Variants in SPIDR observed in about 807,000 individuals in gnomAD.
The protein encoded by SPIDR is scaffold protein involved in DNA repair, also known as DNA repair-scaffolding protein.
SPIDR carries 93 observed loss-of-function variants against 104.6 expected under a neutral mutation model. That is an observed-to-expected ratio of 0.89 (90% CI 0.75 to 1.06). The LOEUF is 1.06. Ranked by LOEUF, SPIDR falls within the 50% of genes least tolerant of loss-of-function variation. The pLI, the probability that SPIDR is intolerant of heterozygous loss-of-function variation, is 0.00. For synonymous variants in SPIDR, 431 were observed against 416.9 expected (o/e 1.03, Z -0.41); for missense variants, 1,154 against 1,111.2 (o/e 1.04, Z -0.55).
At chr8:47,671,223 AG>A (rs1746656859) in intron 10 of SPIDR, among the ~76,000 whole-genome samples, 1 of 152,100 alleles carries the variant, frequency 6.6e-6, no homozygotes, top group African/African-American at 2.4e-5. Context: ...AAATCATTTT[AG>A]TAATTAGTAA....
intron 8 of SPIDR, among the ~76,000 whole-genome samples, chr8:47,562,152 G>A (rs1390813567): frequency 2.0e-5 from 3 of 152,204 alleles, no homozygotes; most frequent in Non-Finnish European, 2.9e-5. Flanking sequence ...AGCCCTAGGC[G>A]TGATTTTCTT....
intron 8 of SPIDR, among the ~76,000 whole-genome samples, chr8:47,496,845 T>C (rs2079540842): frequency 6.6e-6 from 1 of 151,638 alleles, no homozygotes; most frequent in Non-Finnish European, 1.5e-5. Flanking sequence ...TGTTTGTTTG[T>C]CAGAAGTTTT....
chr8:47,368,232 A>G (rs2057478520), intron 5 of SPIDR, among the ~76,000 whole-genome samples: 2 of 151,772 alleles, frequency 1.3e-5, no homozygotes, highest in Non-Finnish European at 1.5e-5. Context: ...CCACCTTCTC[A>G]TACCACCACA....
intron 8 of SPIDR, among the ~76,000 whole-genome samples, chr8:47,516,608 C>G (rs754060132): frequency 6.6e-6 from 1 of 152,124 alleles, no homozygotes; most frequent in Non-Finnish European, 1.5e-5. Flanking sequence ...AATTTCCTTC[C>G]TTTTTTAAGG....
At position 47,546,987 on chromosome 8, in the gene SPIDR, G is replaced by A. The variant is rs554347461; in HGVS notation, c.1098-48824G>A. The stretch of plus-strand genomic sequence containing the variant: ...CACGTGAACCACATCAAAAGATCAA[G>A]GGTGCCTCTCTCTGTGGGTAATGAC... On this transcript the variant is annotated intron_variant, in intron 8 of 19. Coordinates refer to ENST00000297423, the MANE Select transcript of SPIDR (RefSeq NM_001080394.4). The A allele has an allele frequency of 5.1e-5, 26 of 511,174 alleles. No homozygotes were observed. In the Admixed American group the frequency reaches 5.2e-4, roughly 10 times the overall value. The allele number at this position is 511,174 out of a possible 1,614,324, so 31.7% of individuals were successfully genotyped here. A position where few individuals can be genotyped will look rare whatever the true frequency, so the allele number is the denominator to read the frequency against.
chr8:47,420,543 A>G (rs1346233873), intron 7 of SPIDR, among the ~76,000 whole-genome samples: 2 of 152,150 alleles, frequency 1.3e-5, no homozygotes, highest in Admixed American at 6.6e-5. Context: ...AATGCAGCAC[A>G]CTGATGGGTC....
intron 11 of SPIDR, among the ~76,000 whole-genome samples, chr8:47,677,539 G>T (rs926144112): frequency 6.6e-6 from 1 of 152,206 alleles, no homozygotes; most frequent in Non-Finnish European, 1.5e-5. Flanking sequence ...GCCTCTTGAA[G>T]GGCCGTTTTA....
intron 10 of SPIDR, among the ~76,000 whole-genome samples, chr8:47,611,524 C>G (rs1032845674): frequency 1.3e-5 from 2 of 151,992 alleles, no homozygotes; most frequent in African/African-American, 2.4e-5. Flanking sequence ...CAGTGAAACC[C>G]CGTCTCTACT....
chr8:47,621,402 TG>T (rs2065153844), intron 10 of SPIDR, among the ~76,000 whole-genome samples: 1 of 152,256 alleles, frequency 6.6e-6, no homozygotes, highest in Non-Finnish European at 1.5e-5. Context: ...GGGCATGTCA[TG>T]TAGTCTCACC....
intron 8 of SPIDR, among the ~76,000 whole-genome samples, chr8:47,588,086 T>TAC (rs371315393): frequency 3.0e-5 from 3 of 99,852 alleles, no homozygotes; most frequent in Admixed American, 2.1e-4. Context: ...TATATATATA[T>TAC]ACACGTATGT....
At chr8:47,673,748 CTG>C (rs771204630) in intron 10 of SPIDR, 51 bp from the exon 11 acceptor site, 1 of 1,611,712 alleles carries the variant, frequency 6.2e-7, no homozygotes, top group Non-Finnish European at 8.5e-7. Flanking sequence ...ATCTTGATCT[CTG>C]TATTAATCCA....
intron 6 of SPIDR, 23 bp from the exon 7 acceptor site, chr8:47,407,838 A>T (rs1186815375): frequency 6.9e-7 from 1 of 1,456,478 alleles, no homozygotes; most frequent in Non-Finnish European, 9.6e-7. Flanking sequence ...ACTAAACTTA[A>T]TACATTATAA....
chr8:47,679,102 G>T (rs2154474619), intron 11 of SPIDR, among the ~76,000 whole-genome samples: 2 of 152,294 alleles, frequency 1.3e-5, no homozygotes, highest in Middle Eastern at 6.8e-3. Context: ...ACCACCACCA[G>T]GGTGCCCTCT....
At chr8:47,646,972 A>G (rs2070486996) in intron 10 of SPIDR, among the ~76,000 whole-genome samples, 1 of 152,180 alleles carries the variant, frequency 6.6e-6, no homozygotes, top group South Asian at 2.1e-4. Context: ...TAATTCATGA[A>G]AACTAAACAA....
chr8:47,520,271 G>A (rs938301771), intron 8 of SPIDR, among the ~76,000 whole-genome samples: 2 of 152,144 alleles, frequency 1.3e-5, no homozygotes, highest in African/African-American at 4.8e-5. Flanking sequence ...TGATCCCCCA[G>A]CTTGTTAATG....
intron 5 of SPIDR, among the ~76,000 whole-genome samples, chr8:47,373,178 G>T (rs2058244411): frequency 6.6e-6 from 1 of 152,124 alleles, no homozygotes; most frequent in Non-Finnish European, 1.5e-5. Flanking sequence ...TCAGATAGGA[G>T]TCTCCTATTT....
At chr8:47,653,118 G>A (rs2071993404) in intron 10 of SPIDR, among the ~76,000 whole-genome samples, 1 of 152,136 alleles carries the variant, frequency 6.6e-6, no homozygotes, top group African/African-American at 2.4e-5. Context: ...CCATTCCATG[G>A]AATGGAGCCT....
At chr8:47,518,081 T>C (rs2083430153) in intron 8 of SPIDR, among the ~76,000 whole-genome samples, 1 of 152,242 alleles carries the variant, frequency 6.6e-6, no homozygotes, top group South Asian at 2.1e-4. Flanking sequence ...TTAAAAAATA[T>C]TTAAAGTAAT....
chr8:47,400,719 T>TA (rs1554662027), intron 6 of SPIDR, among the ~76,000 whole-genome samples: 1 of 150,570 alleles, frequency 6.6e-6, no homozygotes, highest in African/African-American at 2.4e-5. Context: ...ATTCAAAGCA[T>TA]AAGTAACAAA....
Sources: allele counts gnomAD v4.1 joint callset (sites outside exome capture counted in the v4.1 genomes callset), GRCh38; gene constraint gnomAD v4.1.1; transcripts MANE v1.5; gene names NCBI Gene and HGNC (gene_info 2026-07-23, HGNC 2026-07-21).